The following FAM13A variants were observed in gnomAD, a reference collection of about 807,000 sequenced individuals.
FAM13A encodes the protein protein FAM13A.
Under a neutral mutation model 129.6 loss-of-function variants are expected in FAM13A, and 76 were observed. The ratio of observed to expected loss-of-function variants is 0.59; its 90% CI spans 0.49 to 0.71. The LOEUF is 0.71. Among genes scored for constraint, FAM13A ranks in the 30% least tolerant of loss-of-function variants. The pLI is 0.00. For missense variants in FAM13A, 1,108 were observed against 1,249.3 expected, an observed-to-expected ratio of 0.89 and a Z score of 1.70; for synonymous variants, 443 against 449.9, an observed-to-expected ratio of 0.98 and a Z score of 0.20.
chr4:89,006,597 T>C (rs1165107455), intron 3 of FAM13A, among the ~76,000 whole-genome samples: 1 of 152,182 alleles, frequency 6.6e-6, no homozygotes, highest in Non-Finnish European at 1.5e-5. Flanking sequence ...AATGGTCTTT[T>C]AGCAGTTGCT....
intron 4 of FAM13A, among the ~76,000 whole-genome samples, chr4:88,954,670 A>G (rs1426727526): frequency 6.6e-6 from 1 of 152,156 alleles, no homozygotes; most frequent in Non-Finnish European, 1.5e-5. Flanking sequence ...AGATTGCCTG[A>G]GCTCAGGAGT....
intron 4 of FAM13A, among the ~76,000 whole-genome samples, chr4:88,945,645 C>G (rs1487974405): frequency 4.6e-5 from 7 of 151,414 alleles, no homozygotes; most frequent in Admixed American, 1.3e-4. Flanking sequence ...AGCAACATCC[C>G]TAATGCGACT....
chr4:88,866,214 A>C (rs1740411825), intron 6 of FAM13A, among the ~76,000 whole-genome samples: 1 of 151,918 alleles, frequency 6.6e-6, no homozygotes, highest in African/African-American at 2.4e-5. Context: ...GGCCCAGCTA[A>C]TTTTTGTATT....
At chr4:88,952,576 TG>T (rs1757105380) in intron 4 of FAM13A, among the ~76,000 whole-genome samples, 1 of 152,260 alleles carries the variant, frequency 6.6e-6, no homozygotes, top group Non-Finnish European at 1.5e-5. Flanking sequence ...ATTCTTATTT[TG>T]TTCTGTACTA....
chr4:88,748,751 C>T (rs143755424), intron 17 of FAM13A, among the ~76,000 whole-genome samples: 8 of 152,302 alleles, frequency 5.3e-5, no homozygotes, highest in African/African-American at 1.4e-4. Flanking sequence ...CTGCAGAATT[C>T]GCCTCTTAGC....
chr4:89,048,681 A>G (rs1286172141), intron 1 of FAM13A, among the ~76,000 whole-genome samples: 2 of 152,180 alleles, frequency 1.3e-5, no homozygotes, highest in African/African-American at 4.8e-5. Context: ...GAAATAATAT[A>G]TTAATATTAA....
At position 88,987,845 on chromosome 4, in the gene FAM13A, A is replaced by AAAAAAAAAAAAAAAAC. The variant is rs1232268574; in HGVS notation, c.605+3127_605+3128insGTTTTTTTTTTTTTTT. ...TGACAGTGAGACTCCTCTCAAAAAA[A>AAAAAAAAAAAAAAAAC]AAAAAAAAAACTTAATCTGAATATA... On this transcript the variant is annotated intron_variant, in intron 4 of 23. Transcript: ENST00000264344. Among the ~76,000 whole-genome samples the AAAAAAAAAAAAAAAAC allele has an allele frequency of 5.3e-5, 8 of 150,924 alleles. No individual in the cohort carries two copies. The East Asian group carries it at 1.6e-3, about 29-fold the overall frequency.
At chr4:88,815,568 C>T (rs2125407) in intron 7 of FAM13A, among the ~76,000 whole-genome samples, 81,391 of 151,974 alleles carry the variant, frequency 0.54, 22,331 homozygotes, top group East Asian at 0.66. Flanking sequence ...TTTAGAAATA[C>T]AGACAAATCT....
At chr4:88,756,795 T>C (rs1048944210) in intron 14 of FAM13A, among the ~76,000 whole-genome samples, 1 of 152,016 alleles carries the variant, frequency 6.6e-6, no homozygotes, top group African/African-American at 2.4e-5. Context: ...GCTATATTAG[T>C]GCTATAATGT....
chr4:89,014,747 G>A (rs558008589), intron 3 of FAM13A, among the ~76,000 whole-genome samples: 3 of 152,058 alleles, frequency 2.0e-5, no homozygotes, highest in Non-Finnish European at 4.4e-5. Flanking sequence ...TCTTAATCCT[G>A]TCATCTTCAT....
At chr4:88,916,947 C>T (rs114330124) in intron 5 of FAM13A, among the ~76,000 whole-genome samples, 2,304 of 152,180 alleles carry the variant, frequency 0.015, 30 homozygotes, top group Non-Finnish European at 0.022. Context: ...AAATTCACTG[C>T]TATTTTTAAA....
chr4:88,815,744 A>C (rs1334823511), intron 7 of FAM13A, among the ~76,000 whole-genome samples: 2 of 152,172 alleles, frequency 1.3e-5, no homozygotes, highest in East Asian at 3.8e-4. Flanking sequence ...GTGTGACCTG[A>C]AAATGTTTAT....
At chr4:89,055,246 CA>C (rs1350034255) in intron 1 of FAM13A, among the ~76,000 whole-genome samples, 1 of 151,974 alleles carries the variant, frequency 6.6e-6, no homozygotes, top group East Asian at 1.9e-4. Context: ...TGTTGTTCTC[CA>C]AAAGCTATCT....
At chr4:89,013,317 T>C (rs1036571571) in intron 3 of FAM13A, among the ~76,000 whole-genome samples, 1 of 141,300 alleles carries the variant, frequency 7.1e-6, no homozygotes, top group Non-Finnish European at 1.6e-5. Context: ...AGTATATACA[T>C]ATAACACAGT....
intron 4 of FAM13A, among the ~76,000 whole-genome samples, chr4:88,969,801 G>A (rs930378780): frequency 6.6e-6 from 1 of 152,194 alleles, no homozygotes; most frequent in African/African-American, 2.4e-5. Flanking sequence ...CAGAAAGGCT[G>A]AGAAAACTGT....
rs142367699 is a variant in FAM13A at position 89,026,915 on chromosome 4, C to G, written c.217+2545G>C. On this transcript the variant is annotated intron_variant, in intron 2 of 23. Transcript: ENST00000264344. ...GAATAATCTGCCATAGAGTCCCTGTCAAAAGTTGATAGGAACATGTGATGA... is the reference window on the plus strand; with the variant it reads ...GAATAATCTGCCATAGAGTCCCTGTGAAAAGTTGATAGGAACATGTGATGA... 7.2e-4 allele frequency among the ~76,000 whole-genome samples: 109 copies of G among 152,268 alleles called. 2 individuals are homozygous for G. The East Asian group carries it at 0.021, about 29-fold the overall frequency.
At chr4:88,748,046 C>T (rs1437230735) in intron 17 of FAM13A, among the ~76,000 whole-genome samples, 195 bp from the exon 18 acceptor site, 3 of 152,072 alleles carry the variant, frequency 2.0e-5, no homozygotes, top group African/African-American at 7.2e-5. Flanking sequence ...CCCGCCACCA[C>T]GCCCGGCTAA....
chr4:89,025,093 G>A (rs1463384849), intron 2 of FAM13A, among the ~76,000 whole-genome samples: 1 of 152,076 alleles, frequency 6.6e-6, no homozygotes, highest in Non-Finnish European at 1.5e-5. Flanking sequence ...TATGTTGATG[G>A]TGTGAGTGTA....
At chr4:88,853,365 T>C (rs140357133) in intron 6 of FAM13A, among the ~76,000 whole-genome samples, 2 of 152,290 alleles carry the variant, frequency 1.3e-5, no homozygotes, top group Non-Finnish European at 2.9e-5. Context: ...TCTACTCTTT[T>C]AGCAATTTTC....
Sources: gnomAD v4.1 joint callset for allele counts (sites outside exome capture counted in the v4.1 genomes callset) on GRCh38, gnomAD v4.1.1 for gene constraint, MANE v1.5 for transcripts, NCBI Gene and HGNC (gene_info 2026-07-23, HGNC 2026-07-21) for gene names.